Variants in AGBL1 observed in about 807,000 individuals in gnomAD.
AGBL1 encodes the protein cytosolic carboxypeptidase 4.
In AGBL1, 130 loss-of-function variants were observed where a neutral mutation model predicts 118.9. The ratio of observed to expected loss-of-function variants is 1.09; its 90% CI spans 0.95 to 1.26. AGBL1 has a LOEUF of 1.26. Ranked by LOEUF, AGBL1 falls within the 50% of genes most tolerant of loss-of-function variation. The pLI, the probability that AGBL1 is intolerant of heterozygous loss-of-function variation, is 0.00. For missense variants in AGBL1, 1,584 were observed against 1,298.1 expected (o/e 1.22, Z -3.38); for synonymous variants, 555 against 478.9 (o/e 1.16, Z -2.08).
Position 86,160,119 on chromosome 15 carries a change from T to C in AGBL1, c.488+1093T>C, listed in dbSNP as rs74025009. Among the ~76,000 whole-genome samples, 1,169 of 147,418 alleles carry C rather than the reference T, an allele frequency of 7.9e-3. 12 individuals are homozygous for C. Among genetic ancestry groups the C allele is most frequent in the African/African-American group, 0.029 (1,121 of 38,800 alleles). On this transcript the variant is annotated intron_variant, in intron 5 of 22. Transcript: ENST00000614907. ...CTGTGGTTTTTTTTTTTTTTTTTTT[T>C]TGAGATCACCTTTTTTAGGGGAAGG...
At chr15:86,862,446 A>G (rs745838031) in intron 22 of AGBL1, among the ~76,000 whole-genome samples, 8 of 152,184 alleles carry the variant, frequency 5.3e-5, no homozygotes, top group Non-Finnish European at 1.0e-4. Context: ...TCAGCCAGGC[A>G]TGGTGGCTCA....
chr15:86,196,854 C>T (rs1040825141), intron 5 of AGBL1, among the ~76,000 whole-genome samples: 38 of 133,438 alleles, frequency 2.8e-4, no homozygotes, highest in Middle Eastern at 4.0e-3. Flanking sequence ...CCTGCATATG[C>T]GAATGTGCAC....
At chr15:86,560,198 T>A (rs561201074) in intron 21 of AGBL1, among the ~76,000 whole-genome samples, 101 of 152,210 alleles carry the variant, frequency 6.6e-4, no homozygotes, top group African/African-American at 2.1e-3. Flanking sequence ...CAGGCAGGTT[T>A]GTTACATATG....
chr15:86,239,555 G>C (rs976322938), intron 6 of AGBL1, among the ~76,000 whole-genome samples: 1 of 142,276 alleles, frequency 7.0e-6, no homozygotes, highest in Non-Finnish European at 1.6e-5. Context: ...TGACATTGCT[G>C]GGCCGGCCTC....
intron 22 of AGBL1, among the ~76,000 whole-genome samples, chr15:86,853,617 T>G (rs972174249): frequency 6.6e-6 from 1 of 152,196 alleles, no homozygotes; most frequent in African/African-American, 2.4e-5. Context: ...GCCTTTATTT[T>G]TCAGAGCTGT....
Position 86,247,681 on chromosome 15 carries a change from C to T in AGBL1, c.537C>T (p.Gly179=). Residue 179 remains glycine, a synonymous_variant, in exon 7 of 23, where the codon GGC becomes GGT. Coordinates refer to ENST00000614907, the MANE Select transcript of AGBL1 (RefSeq NM_001386094.1). ...LAALLKSKSN[G]RRAVNRGYVT... is the part of the protein sequence containing the mutation. ...TCCCTTTGTTTTCAGAGTCGAACGGCCGCAGAGCAGTGAACCGAGGCTACG... is the reference window on the plus strand; with the variant it reads ...TCCCTTTGTTTTCAGAGTCGAACGGTCGCAGAGCAGTGAACCGAGGCTACG... 1 of 1,605,266 alleles carries T rather than the reference C, an allele frequency of 6.2e-7. No homozygotes were observed. The highest frequency in any genetic ancestry group is 8.5e-7 in the Non-Finnish European group (1 of 1,175,990).
chr15:87,026,393 A>C (rs908072479), intron 24 of AGBL1, among the ~76,000 whole-genome samples: 8 of 152,110 alleles, frequency 5.3e-5, no homozygotes, highest in Non-Finnish European at 1.0e-4. Flanking sequence ...AATATGAAAA[A>C]ATGCTCAACA....
chr15:86,570,501 G>A (rs1193935705), intron 21 of AGBL1, among the ~76,000 whole-genome samples: 1 of 152,134 alleles, frequency 6.6e-6, no homozygotes, highest in Non-Finnish European at 1.5e-5. Flanking sequence ...TGGAAAAAGT[G>A]GGAATTTCTC....
chr15:86,836,952 C>G (rs1358020892), intron 22 of AGBL1, among the ~76,000 whole-genome samples: 1 of 152,108 alleles, frequency 6.6e-6, no homozygotes, highest in Non-Finnish European at 1.5e-5. Flanking sequence ...TGTTCATTAT[C>G]TGCTTCCTCA....
At chr15:86,563,546 A>G (rs147341928) in intron 21 of AGBL1, among the ~76,000 whole-genome samples, 74,239 of 144,848 alleles carry the variant, frequency 0.51, 19,340 homozygotes, top group East Asian at 0.76. Context: ...ATTTGCTGAG[A>G]AGTGCTTTAC....
intron 22 of AGBL1, among the ~76,000 whole-genome samples, chr15:86,756,654 A>G (rs994562472): frequency 1.3e-5 from 2 of 152,144 alleles, no homozygotes; most frequent in East Asian, 1.9e-4. Flanking sequence ...TGGAGCGTCT[A>G]TAACCAGGAC....
At chr15:86,114,808 G>A (rs1014610916) in intron 1 of AGBL1, among the ~76,000 whole-genome samples, 3 of 152,130 alleles carry the variant, frequency 2.0e-5, no homozygotes, top group African/African-American at 4.8e-5. Flanking sequence ...GGGACAATTC[G>A]TATCCTATAA....
intron 18 of AGBL1, among the ~76,000 whole-genome samples, chr15:86,448,433 G>A (rs1163659942): frequency 1.3e-5 from 2 of 152,174 alleles, no homozygotes; most frequent in African/African-American, 4.8e-5. Context: ...AGAGCCATGC[G>A]TAGTTGACTA....
intron 22 of AGBL1, among the ~76,000 whole-genome samples, chr15:86,887,954 T>C (rs891178457): frequency 1.3e-5 from 2 of 152,124 alleles, no homozygotes; most frequent in African/African-American, 4.8e-5. Context: ...CCATTTACTC[T>C]AAACCCTCTG....
chr15:86,990,287 G>A (rs2081324953), intron 24 of AGBL1, among the ~76,000 whole-genome samples: 1 of 152,176 alleles, frequency 6.6e-6, no homozygotes. Flanking sequence ...GGCTGAGGCA[G>A]TTGGATCACC....
At chr15:86,617,772 A>T (rs1358407124) in intron 21 of AGBL1, among the ~76,000 whole-genome samples, 1 of 151,876 alleles carries the variant, frequency 6.6e-6, no homozygotes, top group East Asian at 1.9e-4. Context: ...ACACACACAC[A>T]CACACACACA....
chr15:86,806,910 C>T (rs951839875), intron 22 of AGBL1, among the ~76,000 whole-genome samples: 12 of 151,876 alleles, frequency 7.9e-5, no homozygotes, highest in East Asian at 1.9e-4. Flanking sequence ...ACGTATCATA[C>T]GGTACATATA....
At chr15:86,956,408 C>T (rs1419723500) in intron 23 of AGBL1, among the ~76,000 whole-genome samples, 2 of 152,046 alleles carry the variant, frequency 1.3e-5, no homozygotes, top group Non-Finnish European at 2.9e-5. Flanking sequence ...GACATTGGCT[C>T]ATACAGTTGT....
chr15:86,559,229 T>G (rs1342131063), intron 21 of AGBL1, among the ~76,000 whole-genome samples: 2 of 152,184 alleles, frequency 1.3e-5, no homozygotes, highest in African/African-American at 2.4e-5. Context: ...ATATCTGTAG[T>G]GAACCTATTT....
Sources: allele counts gnomAD v4.1 joint callset (sites outside exome capture counted in the v4.1 genomes callset), GRCh38; gene constraint gnomAD v4.1.1; transcripts MANE v1.5; gene names NCBI Gene and HGNC (gene_info 2026-07-23, HGNC 2026-07-21).